The following IPCEF1 variants were observed in gnomAD, a reference collection of about 807,000 sequenced individuals.
The protein encoded by IPCEF1 is interaction protein for cytohesin exchange factors 1.
IPCEF1 carries 31 observed loss-of-function variants against 50.9 expected under a neutral mutation model. The observed-to-expected ratio is 0.61, with a 90% CI of 0.46 to 0.82. The LOEUF is 0.82. Ranked by LOEUF, IPCEF1 falls within the 40% of genes least tolerant of loss-of-function variation. The pLI is 0.00. For missense variants in IPCEF1, 458 were observed against 514.0 expected, an observed-to-expected ratio of 0.89 and a Z score of 1.05; for synonymous variants, 181 against 192.0, an observed-to-expected ratio of 0.94 and a Z score of 0.47.
At chr6:154,309,886 C>G (rs1366865254) in intron 1 of IPCEF1, among the ~76,000 whole-genome samples, 1 of 151,948 alleles carries the variant, frequency 6.6e-6, no homozygotes, top group African/African-American at 2.4e-5. Flanking sequence ...GGGTCAGCCT[C>G]CCAAGTAGCT....
intron 2 of IPCEF1, among the ~76,000 whole-genome samples, chr6:154,281,127 G>A (rs1782196031): frequency 6.8e-6 from 1 of 146,990 alleles, no homozygotes; most frequent in Non-Finnish European, 1.5e-5. Flanking sequence ...ATTACTTGAG[G>A]TCAGGAGTTC....
At chr6:154,345,158 C>T (rs1266822766) in intron 1 of IPCEF1, among the ~76,000 whole-genome samples, 1 of 152,246 alleles carries the variant, frequency 6.6e-6, no homozygotes, top group African/African-American at 2.4e-5. Flanking sequence ...GCATGAGCCA[C>T]CGTATCCAGT....
Position 154,157,306 on chromosome 6 carries a change from C to T in IPCEF1, c.*2522G>A, listed in dbSNP as rs1462684306. 1 of 152,344 alleles carries T rather than the reference C, an allele frequency of 6.6e-6. No homozygotes were observed. Among genetic ancestry groups the T allele is most frequent in the African/African-American group, 2.4e-5 (1 of 41,436 alleles). 9.4% of individuals were successfully genotyped at this position (152,344 alleles called of 1,614,324 possible). A position where few individuals can be genotyped will look rare whatever the true frequency, so the allele number is the denominator to read the frequency against. ...AAGCAGCCCTACTTTCTAGCACAAC[C>T]TGGTCAAAAGCAAAATAATTTACAG... On this transcript the variant is annotated 3_prime_UTR_variant, in exon 12 of 12. Coordinates refer to ENST00000367220, the MANE Select transcript of IPCEF1 (RefSeq NM_001130700.2).
chr6:154,231,763 G>A (rs1301169579), intron 5 of IPCEF1, among the ~76,000 whole-genome samples: 1 of 152,154 alleles, frequency 6.6e-6, no homozygotes, highest in African/African-American at 2.4e-5. Flanking sequence ...ACAGAGATGC[G>A]AAGGAGACTG....
chr6:154,212,515 CT>C (rs1198210367), intron 9 of IPCEF1, among the ~76,000 whole-genome samples: 2 of 152,202 alleles, frequency 1.3e-5, no homozygotes, highest in African/African-American at 2.4e-5. Flanking sequence ...ACCTAGAAGC[CT>C]TTGCATCCTC....
chr6:154,170,310 T>C (rs1357690599), intron 10 of IPCEF1, among the ~76,000 whole-genome samples: 2 of 152,182 alleles, frequency 1.3e-5, no homozygotes, highest in African/African-American at 2.4e-5. Flanking sequence ...ATAGAAAGTA[T>C]GGCATTAGAG....
intron 5 of IPCEF1, among the ~76,000 whole-genome samples, chr6:154,240,114 T>A (rs1780461557): frequency 6.6e-6 from 1 of 152,234 alleles, no homozygotes; most frequent in Admixed American, 6.5e-5. Context: ...ATAATTCTCA[T>A]TTTGGTAGAA....
intron 1 of IPCEF1, among the ~76,000 whole-genome samples, chr6:154,299,584 T>C (rs890733195): frequency 7.2e-6 from 1 of 139,444 alleles, no homozygotes; most frequent in Non-Finnish European, 1.6e-5. Context: ...CAACACACAC[T>C]GACTAGGGCT....
chr6:154,202,942 G>A (rs765952309), intron 9 of IPCEF1, among the ~76,000 whole-genome samples: 1 of 152,174 alleles, frequency 6.6e-6, no homozygotes, highest in Non-Finnish European at 1.5e-5. Flanking sequence ...TCAGGTCAGG[G>A]GGAGTTTTCA....
intron 5 of IPCEF1, among the ~76,000 whole-genome samples, chr6:154,238,921 TG>T (rs1435038668): frequency 1.1e-4 from 17 of 151,374 alleles, no homozygotes; most frequent in Admixed American, 1.3e-4. Flanking sequence ...TCTATATTGT[TG>T]TTTTTTTTAA....
chr6:154,273,342 G>A (rs1245087190), intron 2 of IPCEF1, among the ~76,000 whole-genome samples: 1 of 152,194 alleles, frequency 6.6e-6, no homozygotes. Flanking sequence ...TCGTCGACAA[G>A]TAGGTAATCC....
chr6:154,258,119 G>C (rs1196140611), intron 3 of IPCEF1, among the ~76,000 whole-genome samples: 1 of 152,088 alleles, frequency 6.6e-6, no homozygotes, highest in African/African-American at 2.4e-5. Context: ...TGAGATCCAG[G>C]TCAAATGGCA....
chr6:154,224,570 T>C (rs1337630626), intron 5 of IPCEF1, among the ~76,000 whole-genome samples: 1 of 151,930 alleles, frequency 6.6e-6, no homozygotes, highest in Non-Finnish European at 1.5e-5. Context: ...TATTAGCTGG[T>C]CATGGTGGTG....
chr6:154,330,914 T>C (rs1783643149), intron 1 of IPCEF1, among the ~76,000 whole-genome samples: 1 of 152,026 alleles, frequency 6.6e-6, no homozygotes, highest in Non-Finnish European at 1.5e-5. Flanking sequence ...TTGGAGGAGG[T>C]AGCTAGGCAG....
intron 1 of IPCEF1, among the ~76,000 whole-genome samples, chr6:154,333,695 T>C (rs377406265): frequency 1.3e-4 from 20 of 151,602 alleles, no homozygotes; most frequent in African/African-American, 4.6e-4. Context: ...TGTGTATATA[T>C]AGTGCGTTTG....
rs1778422194 is a variant in IPCEF1 at position 154,216,688 on chromosome 6, TGA to T, written c.393-2414_393-2413del. On this transcript the variant is annotated intron_variant, in intron 7 of 11. Coordinates refer to ENST00000367220, the MANE Select transcript of IPCEF1 (RefSeq NM_001130700.2). ...TTGGAGACCAGCCTGACCAACATGG[TGA>T]AACCCTGTCTTTACCAAAAATACAA... Among the ~76,000 whole-genome samples, 18 of 152,072 alleles carry T rather than the reference TGA, an allele frequency of 1.2e-4. No homozygotes were observed. In the South Asian group the frequency reaches 3.5e-3, roughly 30 times the overall value.
chr6:154,253,684 A>G (rs1050723919), intron 3 of IPCEF1, among the ~76,000 whole-genome samples: 3 of 152,122 alleles, frequency 2.0e-5, no homozygotes, highest in Admixed American at 1.3e-4. Flanking sequence ...TGCATCTTTA[A>G]TTTTTTAGAT....
chr6:154,180,414 A>ATATATATATATATATATTTT (rs1241250621), intron 10 of IPCEF1, among the ~76,000 whole-genome samples: 1 of 65,268 alleles, frequency 1.5e-5, no homozygotes, highest in African/African-American at 4.8e-5. Context: ...ATATATATAT[A>ATATATATATATATATATTTT]TTTTTTTTTT....
chr6:154,212,090 T>A (rs556065485), intron 9 of IPCEF1, among the ~76,000 whole-genome samples: 1 of 152,336 alleles, frequency 6.6e-6, no homozygotes, highest in Non-Finnish European at 1.5e-5. Context: ...TACATCCTAG[T>A]ACATGGTAGG....
Sources: gnomAD v4.1 joint callset for allele counts (sites outside exome capture counted in the v4.1 genomes callset) on GRCh38, gnomAD v4.1.1 for gene constraint, MANE v1.5 for transcripts, NCBI Gene and HGNC (gene_info 2026-07-23, HGNC 2026-07-21) for gene names.